Variants in KLHL29 observed in about 807,000 individuals in gnomAD.
KLHL29 encodes kelch-like protein 29.
A neutral mutation model predicts 80.4 loss-of-function variants in KLHL29; 21 were observed. That is an observed-to-expected ratio of 0.26 (90% CI 0.19 to 0.38). The LOEUF is 0.38. KLHL29 is among the 10% of genes least tolerant of loss of function. KLHL29 has a pLI of 1.00. For missense variants in KLHL29, 867 were observed against 1,223.9 expected (o/e 0.71, Z 4.35); for synonymous variants, 511 against 526.8 (o/e 0.97, Z 0.41).
At chr2:23,583,666 C>T (rs2103511190) in intron 3 of KLHL29, among the ~76,000 whole-genome samples, 1 of 152,212 alleles carries the variant, frequency 6.6e-6, no homozygotes, top group African/African-American at 2.4e-5. Context: ...TTAAAGGGAG[C>T]CGACATTGGG....
rs1670718612 is a variant in KLHL29, at chr2:23,670,974, CT to C, written c.941-13424del. Among the ~76,000 whole-genome samples the C allele has an allele frequency of 3.3e-4, 7 of 20,968 alleles. 2 individuals carry two copies. The highest frequency in any genetic ancestry group is 1.2e-3 in the Admixed American group (2 of 1,690). 13.8% of individuals were successfully genotyped at this position (20,968 alleles called of 152,430 possible). A position where few individuals can be genotyped will look rare whatever the true frequency, so the allele number is the denominator to read the frequency against. Reference sequence around the variant, plus strand: ...TCTCTCTCTCTCTCTCTCTCTCTCTCTCTCTCCCTCCCTCCCTCCCTCCCTC... The same window carrying C: ...TCTCTCTCTCTCTCTCTCTCTCTCTCCTCTCCCTCCCTCCCTCCCTCCCTC... On this transcript the variant is annotated intron_variant, in intron 5 of 13. Transcript: ENST00000486442.
At chr2:23,566,160 T>C (rs2103499717) in intron 3 of KLHL29, among the ~76,000 whole-genome samples, 1 of 152,342 alleles carries the variant, frequency 6.6e-6, no homozygotes, top group South Asian at 2.1e-4. Flanking sequence ...CTCACGTGTC[T>C]TGAGGAAAGG....
intron 2 of KLHL29, among the ~76,000 whole-genome samples, chr2:23,536,918 A>ACACTCTCTCTCTCTCCCTCTCTCGCT (rs143009876): frequency 1.4e-5 from 2 of 140,650 alleles, no homozygotes; most frequent in African/African-American, 2.7e-5. Flanking sequence ...ACACACACAC[A>ACACTCTCTCTCTCTCCCTCTCTCGCT]CTCTCTCTCT....
intron 2 of KLHL29, among the ~76,000 whole-genome samples, chr2:23,544,639 G>C (rs560070123): frequency 4.3e-4 from 66 of 152,328 alleles, no homozygotes; most frequent in African/African-American, 1.5e-3. Context: ...GAAAGAAGTT[G>C]CCATTTTACA....
At chr2:23,433,102 C>T (rs527321012) in intron 1 of KLHL29, among the ~76,000 whole-genome samples, 24 of 152,284 alleles carry the variant, frequency 1.6e-4, no homozygotes, top group South Asian at 6.2e-4. Flanking sequence ...GCCGTCTGGC[C>T]GGTGCCCCTT....
At chr2:23,604,594 G>C (rs1298660266) in intron 3 of KLHL29, among the ~76,000 whole-genome samples, 5 of 152,072 alleles carry the variant, frequency 3.3e-5, no homozygotes, top group African/African-American at 1.2e-4. Context: ...TTTCCTTCTG[G>C]TTCTGACACT....
At chr2:23,606,818 C>T (rs1172692625) in intron 3 of KLHL29, among the ~76,000 whole-genome samples, 1 of 152,210 alleles carries the variant, frequency 6.6e-6, no homozygotes, top group Non-Finnish European at 1.5e-5. Flanking sequence ...TTAGCTAGGG[C>T]TTATCTTAGC....
chr2:23,482,786 A>G (rs539225440), intron 2 of KLHL29, among the ~76,000 whole-genome samples: 127 of 152,304 alleles, frequency 8.3e-4, no homozygotes, highest in Admixed American at 2.2e-3. Flanking sequence ...CAGGATGAAT[A>G]CCCAGCACAT....
chr2:23,465,099 G>A (rs993209876), intron 1 of KLHL29, among the ~76,000 whole-genome samples: 1 of 152,082 alleles, frequency 6.6e-6, no homozygotes, highest in Non-Finnish European at 1.5e-5. Context: ...ATCCCATTAC[G>A]AACACATTTG....
chr2:23,703,393 G>T lies in KLHL29; in HGVS notation c.2299+14G>T. On this transcript the variant is annotated intron_variant, in intron 12 of 13. Coordinates refer to ENST00000486442, the MANE Select transcript of KLHL29 (RefSeq NM_052920.2). ...CCCCAATGATTGGTGAGAACCAGCG[G>T]TGTCCTCAGCCCAGGGCCAGGGTCG... 6.8e-7 allele frequency: 1 copy of T among 1,477,366 alleles called. No homozygotes were observed. The allele number at this position is 1,477,366 out of a possible 1,614,324, so 91.5% of individuals were successfully genotyped here. A position where few individuals can be genotyped will look rare whatever the true frequency, so the allele number is the denominator to read the frequency against.
intron 2 of KLHL29, among the ~76,000 whole-genome samples, chr2:23,550,053 C>T (rs565966443): frequency 1.3e-5 from 2 of 152,272 alleles, no homozygotes; most frequent in South Asian, 2.1e-4. Flanking sequence ...CCCTCCCCTG[C>T]CCCCCAGGGT....
chr2:23,593,671 G>C (rs1178149167), intron 3 of KLHL29, among the ~76,000 whole-genome samples: 1 of 152,226 alleles, frequency 6.6e-6, no homozygotes. Flanking sequence ...CAGGGAGCCT[G>C]CTCCCATCTA....
chr2:23,434,983 G>A (rs771770111), intron 1 of KLHL29, among the ~76,000 whole-genome samples: 2 of 152,214 alleles, frequency 1.3e-5, no homozygotes, highest in Non-Finnish European at 2.9e-5. Flanking sequence ...GGAAACTGAT[G>A]TCATTGGCAT....
intron 2 of KLHL29, among the ~76,000 whole-genome samples, chr2:23,544,321 CTG>C (rs1666927149): frequency 6.6e-6 from 1 of 152,172 alleles, no homozygotes; most frequent in Non-Finnish European, 1.5e-5. Context: ...CAGGTGGAGA[CTG>C]TGGTGCCTGA....
intron 3 of KLHL29, among the ~76,000 whole-genome samples, chr2:23,613,790 A>AAAAAAAAC (rs1668933636): frequency 1.4e-5 from 2 of 146,586 alleles, no homozygotes; most frequent in South Asian, 2.2e-4. Context: ...AAAAAAAAAA[A>AAAAAAAAC]CCCACCACTC....
intron 3 of KLHL29, among the ~76,000 whole-genome samples, chr2:23,629,238 G>C (rs1302819823): frequency 6.6e-6 from 1 of 152,114 alleles, no homozygotes; most frequent in African/African-American, 2.4e-5. Context: ...ACTGGCTCCC[G>C]CACATCACAG....
In KLHL29 at chr2:23,475,483, C is replaced by CAA. The variant is rs111621976; in HGVS notation, c.-153-65_-153-64dup. ...CTGGAATTCAAAAGACATCTTTTTGCAAAAAAAAAAAAAGAAAAGAAAAAA... is the reference window on the plus strand; with the variant it reads ...CTGGAATTCAAAAGACATCTTTTTGCAAAAAAAAAAAAAAAGAAAAGAAAAAA... On this transcript the variant is annotated intron_variant, in intron 1 of 13. Coordinates refer to ENST00000486442, the MANE Select transcript of KLHL29 (RefSeq NM_052920.2). 8 of 131,732 alleles carry CAA rather than the reference C, an allele frequency of 6.1e-5. No homozygotes were observed. The East Asian group carries it at 6.6e-4, about 11-fold the overall frequency. The allele number at this position is 131,732 out of a possible 1,614,324, so 8.2% of individuals were successfully genotyped here. A position where few individuals can be genotyped will look rare whatever the true frequency, so the allele number is the denominator to read the frequency against.
At chr2:23,573,114 C>G (rs540562055) in intron 3 of KLHL29, among the ~76,000 whole-genome samples, 61 of 152,300 alleles carry the variant, frequency 4.0e-4, no homozygotes, top group African/African-American at 1.4e-3. Flanking sequence ...GTGTCGGGGG[C>G]GCAGATTTTA....
At chr2:23,512,275 G>A (rs1391359398) in intron 2 of KLHL29, among the ~76,000 whole-genome samples, 1 of 152,090 alleles carries the variant, frequency 6.6e-6, no homozygotes, top group Non-Finnish European at 1.5e-5. Context: ...GAGAAACTCT[G>A]TCTCTACTAA....
Sources: gnomAD v4.1 joint callset for allele counts (sites outside exome capture counted in the v4.1 genomes callset) on GRCh38, gnomAD v4.1.1 for gene constraint, MANE v1.5 for transcripts, NCBI Gene and HGNC (gene_info 2026-07-23, HGNC 2026-07-21) for gene names.